Variants in ZNF697 observed in about 807,000 individuals in gnomAD.
ZNF697 encodes the protein zinc finger protein 697.
ZNF697 carries 23 observed loss-of-function variants against 32.4 expected under a neutral mutation model. The observed-to-expected ratio is 0.71, with a 90% CI of 0.51 to 1.01. The LOEUF (loss-of-function observed/expected upper bound fraction) is 1.01, where lower values mean the gene tolerates loss of function less well. Among genes scored for constraint, ZNF697 ranks in the 50% least tolerant of loss-of-function variants. The probability of loss-of-function intolerance (pLI) is 0.00; values close to 1 mark genes in which losing one functional copy is unlikely to be tolerated. For synonymous variants in ZNF697, 418 were observed against 337.2 expected (o/e 1.24, Z -2.62); for missense variants, 930 against 794.0 (o/e 1.17, Z -2.06).
At chr1:119,635,458 T>G (rs1018920607) in intron 1 of ZNF697, among the ~76,000 whole-genome samples, 2 of 152,218 alleles carry the variant, frequency 1.3e-5, no homozygotes, top group African/African-American at 2.4e-5. Flanking sequence ...TACTTTTATA[T>G]TTCCAAACAA....
chr1:119,625,352 GGTCA>G (rs1648546437), intron 2 of ZNF697, among the ~76,000 whole-genome samples: 2 of 152,176 alleles, frequency 1.3e-5, no homozygotes, highest in Non-Finnish European at 2.9e-5. Context: ...CACTCTTTCA[GGTCA>G]GTAAGAGTAA....
chr1:119,639,579 G>A (rs1649011049), intron 1 of ZNF697, among the ~76,000 whole-genome samples: 1 of 152,118 alleles, frequency 6.6e-6, no homozygotes, highest in Admixed American at 6.6e-5. Flanking sequence ...ACCTGTAATG[G>A]TTAAAAGCTC....
At chr1:119,644,149 G>C (rs1649146666) in intron 1 of ZNF697, among the ~76,000 whole-genome samples, 2 of 152,206 alleles carry the variant, frequency 1.3e-5, no homozygotes, top group Admixed American at 1.3e-4. Context: ...CAATGCAAGA[G>C]ATTAGGGGAG....
rs374690721 is a variant in ZNF697 at position 119,623,359 on chromosome 1, G to C, written c.984C>G (p.Leu328=). ...PCPECGEAFS[L]SSHLLSHRRA... ...GCCGGTGGCTCAACAGATGCGAGCT[G>C]AGGCTGAAGGCCTCGCCGCACTCGG... is the stretch of plus-strand genomic sequence containing the variant. Residue 328 remains leucine (L), a synonymous_variant, in exon 3 of 3, where the codon CTC becomes CTG. Transcript: ENST00000421812. 1.0e-5 allele frequency: 15 copies of C among 1,445,574 alleles called. No individual in the cohort carries two copies. In the East Asian group the frequency reaches 1.2e-4, roughly 12 times the overall value. The allele number at this position is 1,445,574 out of a possible 1,614,324, so 89.5% of individuals were successfully genotyped here. A position where few individuals can be genotyped will look rare whatever the true frequency, so the allele number is the denominator to read the frequency against.
chr1:119,635,893 T>C (rs1557939920), intron 1 of ZNF697, among the ~76,000 whole-genome samples: 1 of 152,012 alleles, frequency 6.6e-6, no homozygotes, highest in African/African-American at 2.4e-5. Flanking sequence ...CATATCACAC[T>C]ACGAAGAGAG....
At chr1:119,625,510 G>A (rs756742275) in intron 2 of ZNF697, among the ~76,000 whole-genome samples, 42 of 152,204 alleles carry the variant, frequency 2.8e-4, no homozygotes, top group Non-Finnish European at 4.9e-4. Flanking sequence ...ACAGTACTGT[G>A]CTTAGTAACT....
At position 119,620,246 on chromosome 1, in the gene ZNF697, C is replaced by T. The variant is rs184218811; in HGVS notation, c.*2459G>A. On this transcript the variant is annotated 3_prime_UTR_variant, in exon 3 of 3. Coordinates refer to ENST00000421812, the MANE Select transcript of ZNF697 (RefSeq NM_001080470.2). ...GAGAGGTAAATGAAGTCCAAAGATT[C>T]CCACTGCCACTAAACTATTTTACAT... 1,203 of 152,674 alleles carry T rather than the reference C, an allele frequency of 7.9e-3. 9 individuals carry two copies. The highest frequency in any genetic ancestry group is 0.014 in the Non-Finnish European group (928 of 68,030). 9.5% of individuals were successfully genotyped at this position (152,674 alleles called of 1,614,324 possible).
In ZNF697 at chr1:119,622,758, CT is replaced by C; in HGVS notation, c.1584del (p.Gly529AlafsTer53). 6.3e-7 allele frequency: 1 copy of C among 1,580,688 alleles called. No individual in the cohort carries two copies. The highest frequency in any genetic ancestry group is 8.6e-7 in the Non-Finnish European group (1 of 1,163,290). On this transcript the variant is annotated frameshift_variant, in exon 3 of 3. Coordinates refer to ENST00000421812, the MANE Select transcript of ZNF697 (RefSeq NM_001080470.2). LOFTEE classifies it high-confidence loss of function. ...GCGAGGTGCGTTTTATAGCGGAAGC[CT>C]TTGCCGCAGCCCGCACACTTGTGCG... ...NKPHKCAGCG[K>X]GFRYKTHLAQ... is the part of the protein sequence containing the mutation.
intron 1 of ZNF697, among the ~76,000 whole-genome samples, chr1:119,631,283 C>T (rs991624966): frequency 6.6e-6 from 1 of 152,266 alleles, no homozygotes; most frequent in African/African-American, 2.4e-5. Flanking sequence ...TTGGAGCGGA[C>T]CTAAGCACCT....
At position 119,623,884 on chromosome 1, in the gene ZNF697, G is replaced by C. The variant is rs866704852; in HGVS notation, c.459C>G (p.His153Gln). The C allele has an allele frequency of 8.4e-6, 13 of 1,545,308 alleles. No homozygotes were observed. The highest frequency in any genetic ancestry group is 9.6e-6 in the Non-Finnish European group (11 of 1,143,206). ...GGCGGTGGGCGGGCTTGTCACCTCGGTGCCGACTCCCCAGGGAGAGATGTC... is the reference window on the plus strand; with the variant it reads ...GGCGGTGGGCGGGCTTGTCACCTCGCTGCCGACTCCCCAGGGAGAGATGTC... ...WRRHLSLGSR[H>Q]RGDKPAHRRF... The change falls in exon 3 of 3, where the codon CAC becomes CAG. Residue 153 changes from histidine (H) to glutamine (Q), a missense_variant. His to Gln is a conservative substitution (Grantham distance 24, BLOSUM62 0). Transcript: ENST00000421812.
At position 119,623,461 on chromosome 1, in the gene ZNF697, G is replaced by A. The variant is rs587650396; in HGVS notation, c.882C>T (p.Cys294=). ...TGERPNLCAD[C]GKSFSWRADL... ...CGGCGCGCCAGCTGAAGCTCTTGCC[G>A]CAGTCGGCGCACAGGTTGGGCCGCT... Residue 294 remains cysteine (C), a synonymous_variant, in exon 3 of 3, where the codon TGC becomes TGT. Coordinates refer to ENST00000421812, the MANE Select transcript of ZNF697 (RefSeq NM_001080470.2). 3.8e-5 allele frequency: 60 copies of A among 1,560,310 alleles called. No individual in the cohort carries two copies. The East Asian group carries it at 1.1e-3, about 28-fold the overall frequency.
chr1:119,624,172 A>G, intron 2 of ZNF697, 56 bp from the exon 3 acceptor site: 1 of 1,499,576 alleles, frequency 6.7e-7, no homozygotes, highest in Non-Finnish European at 8.9e-7. Flanking sequence ...TCAAAAGATA[A>G]GCCCAGAGGA....
chr1:119,633,934 C>T (rs1648852512), intron 1 of ZNF697, among the ~76,000 whole-genome samples: 1 of 152,152 alleles, frequency 6.6e-6, no homozygotes. Context: ...GGATTGGGGT[C>T]CTAGTTGTGT....
At chr1:119,633,356 ATGTG>A (rs58387828) in intron 1 of ZNF697, among the ~76,000 whole-genome samples, 2,023 of 143,192 alleles carry the variant, frequency 0.014, 22 homozygotes, top group African/African-American at 0.034. Flanking sequence ...AACCAATAGG[ATGTG>A]TGTGTGTGTG....
Position 119,620,655 on chromosome 1 carries a change from G to C in ZNF697, c.*2050C>G, listed in dbSNP as rs1446370982. ...TTAATGTCTTTCAAAACTGTCTGTA[G>C]TTTGAAAACCTATTTGCATTTGTGA... On this transcript the variant is annotated 3_prime_UTR_variant, in exon 3 of 3. Coordinates refer to ENST00000421812, the MANE Select transcript of ZNF697 (RefSeq NM_001080470.2). 1 of 152,632 alleles carries C rather than the reference G, an allele frequency of 6.6e-6. No homozygotes were observed. Among genetic ancestry groups the C allele is most frequent in the Non-Finnish European group, 1.5e-5 (1 of 68,040 alleles). 9.5% of individuals were successfully genotyped at this position (152,632 alleles called of 1,614,324 possible).
intron 1 of ZNF697, among the ~76,000 whole-genome samples, chr1:119,640,386 T>C (rs1283368370): frequency 6.6e-6 from 1 of 152,198 alleles, no homozygotes; most frequent in African/African-American, 2.4e-5. Context: ...CCCAACTGGA[T>C]CCAATAACCT....
rs1433170876 is a variant in ZNF697, at chr1:119,644,106, C to A, written c.-38+3585G>T. On this transcript the variant is annotated intron_variant, in intron 1 of 2. Transcript: ENST00000421812. ...GTGGGAACCCACTCAAGTCTACTTT[C>A]ATTAAGAAAACATTGAACTGCAGAA... Among the ~76,000 whole-genome samples the A allele has an allele frequency of 1.3e-5, 2 of 152,298 alleles. 1 individual carries two copies. Among genetic ancestry groups the A allele is most frequent in the South Asian group, 4.1e-4 (2 of 4,828 alleles).
In ZNF697 at chr1:119,622,669, G is replaced by A; in HGVS notation, c.*36C>T. 2 of 1,475,940 alleles carry A rather than the reference G, an allele frequency of 1.4e-6. No homozygotes were observed. Among genetic ancestry groups the A allele is most frequent in the South Asian group, 2.7e-5 (2 of 72,844 alleles). The allele number at this position is 1,475,940 out of a possible 1,614,324, so 91.4% of individuals were successfully genotyped here. A position where few individuals can be genotyped will look rare whatever the true frequency, so the allele number is the denominator to read the frequency against. ...AGTCCCAGGATATCTACCCCCCACA[G>A]GCTCCCCAGACGGCAGCCTCCCGCG... On this transcript the variant is annotated 3_prime_UTR_variant, in exon 3 of 3. Transcript: ENST00000421812.
chr1:119,632,043 T>C (rs2101087446), intron 1 of ZNF697, among the ~76,000 whole-genome samples: 1 of 152,134 alleles, frequency 6.6e-6, no homozygotes, highest in East Asian at 1.9e-4. Flanking sequence ...TCCAGGGGGT[T>C]AATCATTTGT....
Sources: allele counts gnomAD v4.1 joint callset (sites outside exome capture counted in the v4.1 genomes callset), GRCh38; gene constraint gnomAD v4.1.1; transcripts MANE v1.5; gene names NCBI Gene and HGNC (gene_info 2026-07-23, HGNC 2026-07-21).